The following EDAR variants were observed in gnomAD, a reference collection of about 807,000 sequenced individuals.
EDAR encodes ectodysplasin A receptor.
Under a neutral mutation model 51.3 loss-of-function variants are expected in EDAR, and 38 were observed. The observed-to-expected ratio is 0.74, with a 90% confidence interval of 0.57 to 0.97. EDAR has a LOEUF of 0.97. Among genes scored for constraint, EDAR ranks in the 50% least tolerant of loss-of-function variants. The pLI, the probability that EDAR is intolerant of heterozygous loss-of-function variation, is 0.00. For missense variants in EDAR, 528 were observed against 595.0 expected (o/e 0.89, Z 1.17); for synonymous variants, 227 against 242.1 (o/e 0.94, Z 0.58).
intron 1 of EDAR, among the ~76,000 whole-genome samples, chr2:108,949,363 C>T (rs1391790877): frequency 6.6e-6 from 1 of 152,186 alleles, no homozygotes; most frequent in African/African-American, 2.4e-5. Flanking sequence ...TATTCACATG[C>T]ACAATATCTG....
At chr2:108,926,040 A>G (rs958542011) in intron 4 of EDAR, among the ~76,000 whole-genome samples, 1 of 152,220 alleles carries the variant, frequency 6.6e-6, no homozygotes, top group African/African-American at 2.4e-5. Flanking sequence ...GTATTGCTGC[A>G]TGCAACATTT....
chr2:108,986,402 C>T (rs1382442079), intron 1 of EDAR, among the ~76,000 whole-genome samples: 1 of 152,040 alleles, frequency 6.6e-6, no homozygotes, highest in Admixed American at 6.6e-5. Flanking sequence ...TTGCTTACTC[C>T]ACTCTTATTT....
At chr2:108,962,591 C>T (rs1232039153) in intron 1 of EDAR, among the ~76,000 whole-genome samples, 6 of 144,618 alleles carry the variant, frequency 4.1e-5, no homozygotes, top group South Asian at 4.5e-4. Context: ...AGGAGAATGG[C>T]GTGAACCCAG....
chr2:108,930,291 A>G (rs770958565), intron 2 of EDAR, 49 bp from the exon 3 acceptor site: 2 of 1,611,878 alleles, frequency 1.2e-6, no homozygotes, highest in Admixed American at 1.7e-5. Context: ...TTAGAAACAC[A>G]TGTGACTCCT....
intron 1 of EDAR, among the ~76,000 whole-genome samples, chr2:108,958,199 A>G (rs1209347454): frequency 6.6e-6 from 1 of 152,148 alleles, no homozygotes; most frequent in Non-Finnish European, 1.5e-5. Flanking sequence ...GTGTCTCTGA[A>G]GTCTGGAATG....
chr2:108,948,839 C>T (rs984486830), intron 1 of EDAR, among the ~76,000 whole-genome samples: 1 of 152,070 alleles, frequency 6.6e-6, no homozygotes, highest in Non-Finnish European at 1.5e-5. Flanking sequence ...TAGAGTTGGC[C>T]AGGCATGGTG....
At chr2:108,930,921 G>A (rs1236448874) in intron 2 of EDAR, 43 bp downstream of exon 2, 2 of 1,598,894 alleles carry the variant, frequency 1.3e-6, no homozygotes, top group Non-Finnish European at 8.6e-7. Flanking sequence ...CAACCATCAT[G>A]AGGATGAGGG....
At chr2:108,946,683 G>A (rs1697719685) in intron 1 of EDAR, among the ~76,000 whole-genome samples, 2 of 152,176 alleles carry the variant, frequency 1.3e-5, no homozygotes, top group South Asian at 4.2e-4. Flanking sequence ...GAGAAAGACA[G>A]TGAAGAGGGA....
intron 5 of EDAR, among the ~76,000 whole-genome samples, chr2:108,917,102 G>C (rs260595): frequency 0.71 from 108,236 of 152,190 alleles, 41,740 homozygotes; most frequent in East Asian, 0.9. Flanking sequence ...ATAAAGGCAA[G>C]GGTGTGCCAG....
At chr2:108,926,532 A>C (rs1697258528) in intron 4 of EDAR, among the ~76,000 whole-genome samples, 1 of 152,200 alleles carries the variant, frequency 6.6e-6, no homozygotes, top group African/African-American at 2.4e-5. Flanking sequence ...ACCAGTGCAG[A>C]GTCGCTGTGT....
At chr2:108,944,808 C>T (rs1174904003) in intron 1 of EDAR, among the ~76,000 whole-genome samples, 1 of 152,128 alleles carries the variant, frequency 6.6e-6, no homozygotes, top group Non-Finnish European at 1.5e-5. Flanking sequence ...AAGGCTGAGC[C>T]AGAGAGCTGA....
intron 2 of EDAR, among the ~76,000 whole-genome samples, 193 bp downstream of exon 2, chr2:108,930,771 A>G (rs1234186417): frequency 6.6e-6 from 1 of 152,210 alleles, no homozygotes; most frequent in Admixed American, 6.5e-5. Flanking sequence ...GGAGCTACCA[A>G]CGAAATCAAT....
chr2:108,987,011 G>A (rs1002694601), intron 1 of EDAR, among the ~76,000 whole-genome samples: 9 of 152,198 alleles, frequency 5.9e-5, no homozygotes, highest in East Asian at 3.9e-4. Context: ...TGTCATCCAG[G>A]ATAATTGAGG....
rs561193866 is a variant in EDAR at position 108,919,633 on chromosome 2, C to T, written c.442+3735G>A. Among the ~76,000 whole-genome samples, 7 of 152,294 alleles carry T rather than the reference C, an allele frequency of 4.6e-5. No individual in the cohort carries two copies. In the South Asian group the frequency reaches 1.2e-3, roughly 27 times the overall value. On this transcript the variant is annotated intron_variant, in intron 5 of 11. Coordinates refer to ENST00000258443, the MANE Select transcript of EDAR (RefSeq NM_022336.4). ...TAGGCCTCCCAGAGTGCTGAGATTT[C>T]AGGTGTGAGCCACTGCGCCTGGCCC...
At chr2:108,925,971 T>G (rs529862527) in intron 4 of EDAR, among the ~76,000 whole-genome samples, 25 of 152,312 alleles carry the variant, frequency 1.6e-4, no homozygotes, top group African/African-American at 5.5e-4. Flanking sequence ...AAACTGTCCT[T>G]CCTCACCCAG....
intron 1 of EDAR, among the ~76,000 whole-genome samples, chr2:108,961,518 G>A (rs1369632634): frequency 2.6e-5 from 4 of 152,206 alleles, no homozygotes; most frequent in Admixed American, 2.6e-4. Flanking sequence ...CCTGGTTCCC[G>A]CTGCCTACAT....
intron 1 of EDAR, among the ~76,000 whole-genome samples, chr2:108,963,928 C>A (rs1157870137): frequency 6.6e-6 from 1 of 152,198 alleles, no homozygotes; most frequent in African/African-American, 2.4e-5. Flanking sequence ...CTGGCTGGAG[C>A]ATGGGCCAAT....
intron 1 of EDAR, among the ~76,000 whole-genome samples, chr2:108,984,383 C>G (rs1175684561): frequency 6.6e-6 from 1 of 152,192 alleles, no homozygotes; most frequent in African/African-American, 2.4e-5. Context: ...TCCGCCCTGA[C>G]TTGACTTCTG....
chr2:108,962,701 A>AGT lies in EDAR; in HGVS notation c.-19+26258_-19+26259insAC. Among the ~76,000 whole-genome samples the AGT allele has an allele frequency of 3.5e-5, 3 of 86,782 alleles. 1 individual carries two copies. The highest frequency in any genetic ancestry group is 8.8e-4 in the South Asian group (2 of 2,262). The allele number at this position is 86,782 out of a possible 152,430, so 56.9% of individuals were successfully genotyped here. On this transcript the variant is annotated intron_variant, in intron 1 of 11. Coordinates refer to ENST00000258443, the MANE Select transcript of EDAR (RefSeq NM_022336.4). ...AAAAAAAAAAAAAAAAAAAAAAAAA[A>AGT]GAGAGAAAGGAATGCAATTCAAGGG...
Sources: gnomAD v4.1 joint callset for allele counts (sites outside exome capture counted in the v4.1 genomes callset) on GRCh38, gnomAD v4.1.1 for gene constraint, MANE v1.5 for transcripts, NCBI Gene and HGNC (gene_info 2026-07-23, HGNC 2026-07-21) for gene names.